Variants in TAFA5 observed in about 807,000 individuals in gnomAD.
The protein encoded by TAFA5 is TAFA chemokine like family member 5, also known as chemokine-like protein TAFA-5.
In TAFA5, 6 loss-of-function variants were observed where a neutral mutation model predicts 15.3. That is an observed-to-expected ratio of 0.39 (90% CI 0.21 to 0.77). The LOEUF is 0.77. Among genes scored for constraint, TAFA5 ranks in the 30% least tolerant of loss-of-function variants. The probability of loss-of-function intolerance (pLI) is 0.41; values close to 1 mark genes in which losing one functional copy is unlikely to be tolerated. For missense variants in TAFA5, 161 were observed against 193.1 expected, an observed-to-expected ratio of 0.83 and a Z score of 0.98; for synonymous variants, 103 against 80.7, an observed-to-expected ratio of 1.28 and a Z score of -1.48.
chr22:48,595,205 A>G (rs1410985303), intron 1 of TAFA5, among the ~76,000 whole-genome samples: 5 of 151,806 alleles, frequency 3.3e-5, no homozygotes, highest in Admixed American at 6.6e-5. Context: ...TTCCCTTCCC[A>G]CCTACTCAGG....
At chr22:48,655,414 G>A (rs1486915169) in intron 2 of TAFA5, among the ~76,000 whole-genome samples, 11 of 152,206 alleles carry the variant, frequency 7.2e-5, no homozygotes. Context: ...TGGGGGCTGG[G>A]AAGTCCAAAA....
chr22:48,648,180 C>T (rs533139072), intron 2 of TAFA5, among the ~76,000 whole-genome samples: 18 of 152,230 alleles, frequency 1.2e-4, no homozygotes, highest in African/African-American at 2.6e-4. Flanking sequence ...TCTGGGGACG[C>T]GGTGCAGGGA....
intron 2 of TAFA5, among the ~76,000 whole-genome samples, chr22:48,663,548 G>A (rs1197399228): frequency 6.6e-6 from 1 of 152,230 alleles, no homozygotes; most frequent in Admixed American, 6.5e-5. Flanking sequence ...AGGCATACTT[G>A]TTCAGAGGTA....
chr22:48,749,931 G>A lies in TAFA5; in HGVS notation c.*84G>A, dbSNP rs1441142269. On this transcript the variant is annotated 3_prime_UTR_variant, in exon 4 of 4. Coordinates refer to ENST00000402357, the MANE Select transcript of TAFA5 (RefSeq NM_001082967.3). ...TCAGCCACAGTTCTCCACTCGCCTC[G>A]GACTTCACCCGTTCTCTGCCGCCCG... is the stretch of plus-strand genomic sequence containing the variant. 3.8e-6 allele frequency: 5 copies of A among 1,319,796 alleles called. No homozygotes were observed. The highest frequency in any genetic ancestry group is 1.5e-5 in the African/African-American group (1 of 68,704). 81.8% of individuals were successfully genotyped at this position (1,319,796 alleles called of 1,614,324 possible).
chr22:48,595,766 C>T (rs1273531981), intron 1 of TAFA5, among the ~76,000 whole-genome samples: 1 of 152,282 alleles, frequency 6.6e-6, no homozygotes, highest in Non-Finnish European at 1.5e-5. Context: ...CTCACATCAG[C>T]GTGCTCTAAT....
At chr22:48,596,306 G>A (rs781269215) in intron 1 of TAFA5, among the ~76,000 whole-genome samples, 17 of 152,192 alleles carry the variant, frequency 1.1e-4, no homozygotes, top group East Asian at 1.9e-4. Context: ...TCCACGGCCC[G>A]TGTGTCTGGG....
At chr22:48,609,039 G>T (rs971621609) in intron 1 of TAFA5, among the ~76,000 whole-genome samples, 2 of 152,206 alleles carry the variant, frequency 1.3e-5, no homozygotes, top group African/African-American at 2.4e-5. Flanking sequence ...TGGGTTGGGG[G>T]AGCGTCAGGA....
At chr22:48,628,460 G>A (rs191474566) in intron 1 of TAFA5, among the ~76,000 whole-genome samples, 8 of 152,336 alleles carry the variant, frequency 5.3e-5, no homozygotes, top group Admixed American at 2.0e-4. Context: ...TCATGTCGCC[G>A]ATCACAGCTT....
intron 1 of TAFA5, among the ~76,000 whole-genome samples, chr22:48,573,690 T>C (rs112124204): frequency 1.4e-4 from 21 of 152,388 alleles, no homozygotes; most frequent in African/African-American, 4.8e-4. Flanking sequence ...TCCCACCTGT[T>C]GAAAGTGAAT....
At chr22:48,585,318 A>G (rs1029087565) in intron 1 of TAFA5, among the ~76,000 whole-genome samples, 3 of 150,922 alleles carry the variant, frequency 2.0e-5, no homozygotes, top group African/African-American at 4.9e-5. Flanking sequence ...ATACACATAC[A>G]AAATATTCAC....
chr22:48,610,415 A>AT (rs1301444923), intron 1 of TAFA5, among the ~76,000 whole-genome samples: 3 of 152,266 alleles, frequency 2.0e-5, no homozygotes, highest in African/African-American at 7.2e-5. Context: ...CGGCGTATAA[A>AT]TAAATCACGA....
At chr22:48,516,466 C>T (rs377011376) in intron 1 of TAFA5, among the ~76,000 whole-genome samples, 2 of 152,112 alleles carry the variant, frequency 1.3e-5, no homozygotes, top group African/African-American at 4.8e-5. Context: ...CTGTGACATT[C>T]GCTGCTGAAC....
intron 1 of TAFA5, among the ~76,000 whole-genome samples, chr22:48,575,859 C>T (rs946257807): frequency 2.1e-5 from 3 of 141,886 alleles, no homozygotes; most frequent in African/African-American, 7.6e-5. Context: ...CGGCCCCGAG[C>T]CTGGCCCGCC....
intron 2 of TAFA5, among the ~76,000 whole-genome samples, chr22:48,697,340 G>GTT (rs1555900411): frequency 1.4e-5 from 2 of 147,854 alleles, no homozygotes; most frequent in African/African-American, 5.0e-5. Context: ...GGTGACAGTG[G>GTT]TGATGATGAT....
chr22:48,690,655 G>A (rs1036687645), intron 2 of TAFA5, among the ~76,000 whole-genome samples: 5 of 152,220 alleles, frequency 3.3e-5, no homozygotes, highest in African/African-American at 1.2e-4. Flanking sequence ...CCTCCTGGCT[G>A]CCCTGTGGAC....
At chr22:48,729,858 C>T (rs1467162409) in intron 3 of TAFA5, among the ~76,000 whole-genome samples, 1 of 151,824 alleles carries the variant, frequency 6.6e-6, no homozygotes, top group East Asian at 1.9e-4. Flanking sequence ...TCATCTCCTT[C>T]CACAAAGACT....
intron 1 of TAFA5, among the ~76,000 whole-genome samples, chr22:48,622,794 G>A (rs1303078387): frequency 1.3e-5 from 2 of 152,190 alleles, no homozygotes; most frequent in Admixed American, 6.5e-5. Flanking sequence ...CAGGCCCCTC[G>A]CCCTGACTCA....
chr22:48,494,477 C>T (rs1347954782), intron 1 of TAFA5, among the ~76,000 whole-genome samples: 1 of 152,172 alleles, frequency 6.6e-6, no homozygotes. Context: ...GTGGAAAGCC[C>T]TGTAGATTGA....
At chr22:48,536,139 G>A (rs1469012110) in intron 1 of TAFA5, among the ~76,000 whole-genome samples, 1 of 152,256 alleles carries the variant, frequency 6.6e-6, no homozygotes, top group Non-Finnish European at 1.5e-5. Flanking sequence ...GCAGAAGCAA[G>A]TGTCCATATG....
Sources: allele counts gnomAD v4.1 joint callset (sites outside exome capture counted in the v4.1 genomes callset), GRCh38; gene constraint gnomAD v4.1.1; transcripts MANE v1.5; gene names NCBI Gene and HGNC (gene_info 2026-07-23, HGNC 2026-07-21).